Variants in MYO1C observed in about 807,000 individuals in gnomAD.
MYO1C encodes unconventional myosin-Ic.
A neutral mutation model predicts 150.8 loss-of-function variants in MYO1C; 104 were observed. The ratio of observed to expected loss-of-function variants is 0.69; its 90% CI spans 0.59 to 0.81. The LOEUF is 0.81. MYO1C is among the 30% of genes least tolerant of loss of function. The probability of loss-of-function intolerance (pLI) is 0.00; values close to 1 mark genes in which losing one functional copy is unlikely to be tolerated. For missense variants in MYO1C, 1,504 were observed against 1,435.0 expected (o/e 1.05, Z -0.78); for synonymous variants, 663 against 579.9 (o/e 1.14, Z -2.06).
At position 1,479,544 on chromosome 17, in the gene MYO1C, G is replaced by GCCCCCCCCCCCCCCCGCCCC; in HGVS notation, c.1021-43_1021-42insGGGGCGGGGGGGGGGGGGGG. The GCCCCCCCCCCCCCCCGCCCC allele has an allele frequency of 3.4e-6, 4 of 1,175,166 alleles. No homozygotes were observed. The highest frequency in any genetic ancestry group is 5.0e-6 in the Non-Finnish European group (4 of 804,192). The allele number at this position is 1,175,166 out of a possible 1,614,324, so 72.8% of individuals were successfully genotyped here. A position where few individuals can be genotyped will look rare whatever the true frequency, so the allele number is the denominator to read the frequency against. On this transcript the variant is annotated intron_variant, in intron 8 of 31. Coordinates refer to ENST00000648651, the MANE Select transcript of MYO1C (RefSeq NM_001080779.2). This position sits in a 1 kb window ranked among gnomAD's most constrained non-coding sequence, Gnocchi z 4.2. ...AGGACACGGTGAGGGTGCACCCCCA[G>GCCCCCCCCCCCCCCCGCCCC]CCCCCGCCCCCGCCGTCCTCCCGTC...
intron 19 of MYO1C, among the ~76,000 whole-genome samples, chr17:1,471,618 G>A (rs547670748): frequency 1.1e-4 from 17 of 152,320 alleles, no homozygotes; most frequent in African/African-American, 4.1e-4. Context: ...CCCCTTGGAA[G>A]CTGCCCTACA....
At position 1,482,528 on chromosome 17, in the gene MYO1C, C is replaced by T. The variant is rs139080275; in HGVS notation, c.577G>A (p.Asp193Asn). ...TACTTCCCGAACCTGCTGGAGTTAT[C>T]GTTCCGGAGGGTCTTGGCATTTCCA... Reference protein sequence around the residue: ...AFGNAKTLRNDNSSRFGKYMD... With the variant: ...AFGNAKTLRNNNSSRFGKYMD... Residue 193 changes from aspartate (D) to asparagine (N), a missense_variant, in exon 5 of 32, where the codon GAT (aspartate) becomes AAT (asparagine). Coordinates refer to ENST00000648651, the MANE Select transcript of MYO1C (RefSeq NM_001080779.2). 25 of 1,613,922 alleles carry T rather than the reference C, an allele frequency of 1.5e-5. No homozygotes were observed. Among genetic ancestry groups the T allele is most frequent in the Admixed American group, 5.0e-5 (3 of 59,992 alleles).
intron 21 of MYO1C, 142 bp from the exon 22 acceptor site, chr17:1,470,831 A>G (rs2074287927): frequency 9.8e-7 from 1 of 1,016,094 alleles, no homozygotes; most frequent in African/African-American, 1.6e-5. Flanking sequence ...AAGAAGAATG[A>G]ATGTGGGGAC....
intron 4 of MYO1C, 71 bp downstream of exon 4, chr17:1,482,762 ACACTAGCCTTCTCTCCCTGCCCTCCCCT>A: frequency 1.4e-5 from 2 of 138,454 alleles, no homozygotes; most frequent in Non-Finnish European, 2.7e-5. Context: ...CTCCCCTCCC[ACACTAGCCTTCTCTCCCTGCCCTCCCCT>A]CCCACACTGG....
rs768488425 is a variant in MYO1C, at chr17:1,478,579, C to T, written c.1212+37G>A. On this transcript the variant is annotated intron_variant, in intron 10 of 31. Coordinates refer to ENST00000648651, the MANE Select transcript of MYO1C (RefSeq NM_001080779.2). This position sits in a 1 kb window ranked among gnomAD's most constrained non-coding sequence, Gnocchi z 6.3. ...ACCCCCCGCCTCGCCGACGGCCCTC[C>T]CTTCTGCCTTGGGAGCAGTGTGGAC... 4.0e-5 allele frequency: 64 copies of T among 1,613,886 alleles called. No individual in the cohort carries two copies. The highest frequency in any genetic ancestry group is 8.3e-5 in the Admixed American group (5 of 60,008).
intron 4 of MYO1C, 89 bp from the exon 5 acceptor site, chr17:1,482,647 C>A: frequency 8.7e-7 from 1 of 1,151,436 alleles, no homozygotes; most frequent in Non-Finnish European, 1.2e-6. Context: ...CCCTCCCCTC[C>A]CGCACTGGGC....
rs1448223295 is a variant in MYO1C, at chr17:1,478,438, A to T, written c.1267T>A (p.Tyr423Asn). 1.2e-6 allele frequency: 2 copies of T among 1,614,200 alleles called. No homozygotes were observed. The highest frequency in any genetic ancestry group is 2.2e-5 in the South Asian group (2 of 91,088). ...TTATGCTGAAACACTTCAAAGCCATAAATATCCAGGAGCCCGAGAACCGTG... is the reference window on the plus strand; with the variant it reads ...TTATGCTGAAACACTTCAAAGCCATTAATATCCAGGAGCCCGAGAACCGTG... ...STTVLGLLDI[Y>N]GFEVFQHNSF... Residue 423 changes from tyrosine (Y) to asparagine (N), a missense_variant, in exon 11 of 32, where the codon TAT (tyrosine) becomes AAT (asparagine). Coordinates refer to ENST00000648651, the MANE Select transcript of MYO1C (RefSeq NM_001080779.2). This position sits in a 1 kb window ranked among gnomAD's most constrained non-coding sequence, Gnocchi z 6.3.
At chr17:1,485,726 C>G in intron 1 of MYO1C, 1 of 1,158,158 alleles carries the variant, frequency 8.6e-7, no homozygotes. Flanking sequence ...CCCGGCCGGC[C>G]TGGCGCCCGC....
At chr17:1,470,409 C>G in intron 23 of MYO1C, 26 bp downstream of exon 23, 1 of 1,549,586 alleles carries the variant, frequency 6.5e-7, no homozygotes, top group Non-Finnish European at 8.7e-7. Flanking sequence ...TGCTCTGCAG[C>G]CCCCACAAGG....
At position 1,482,477 on chromosome 17, in the gene MYO1C, C is replaced by A. The variant is rs377699091; in HGVS notation, c.627+1G>T. 1.2e-6 allele frequency: 2 copies of A among 1,613,490 alleles called. No individual in the cohort carries two copies. Among genetic ancestry groups the A allele is most frequent in the African/African-American group, 2.7e-5 (2 of 74,888 alleles). On this transcript the variant is annotated splice_donor_variant, in intron 5 of 31. Transcript: ENST00000648651. LOFTEE classifies it high-confidence loss of function. Reference sequence around the variant, plus strand: ...CCTCACGACACACACATCCATGGTACCTTGAAGTCAAACTGCACATCCATG... The same window carrying A: ...CCTCACGACACACACATCCATGGTAACTTGAAGTCAAACTGCACATCCATG...
chr17:1,478,741 G>T lies in MYO1C; in HGVS notation c.1093-6C>A. 6.2e-7 allele frequency: 1 copy of T among 1,613,738 alleles called. No homozygotes were observed. The highest frequency in any genetic ancestry group is 1.1e-5 in the South Asian group (1 of 91,056). On this transcript the variant is annotated splice_polypyrimidine_tract_variant and splice_region_variant and intron_variant, in intron 9 of 31. Coordinates refer to ENST00000648651, the MANE Select transcript of MYO1C (RefSeq NM_001080779.2). This position sits in a 1 kb window ranked among gnomAD's most constrained non-coding sequence, Gnocchi z 6.3. ...AGGTTCAGCGGGCTCAGGAGCTGTGGACGCAGCGTGAGACAAGGAGATGAA... is the reference window on the plus strand; with the variant it reads ...AGGTTCAGCGGGCTCAGGAGCTGTGTACGCAGCGTGAGACAAGGAGATGAA...
intron 14 of MYO1C, among the ~76,000 whole-genome samples, chr17:1,476,364 G>C (rs2150948339): frequency 6.6e-6 from 1 of 152,202 alleles, no homozygotes; most frequent in South Asian, 2.1e-4. Context: ...ATAGAGATAG[G>C]GTTTCACCAT....
chr17:1,487,532 G>C (rs1168029535), intron 1 of MYO1C, among the ~76,000 whole-genome samples: 1 of 151,900 alleles, frequency 6.6e-6, no homozygotes, highest in African/African-American at 2.4e-5. Flanking sequence ...GCTGGTGGGG[G>C]AGTGGGAGCG....
chr17:1,481,055 CT>C (rs1409301826), intron 5 of MYO1C, 170 bp from the exon 6 acceptor site: 1 of 651,476 alleles, frequency 1.5e-6, no homozygotes, highest in East Asian at 2.7e-5. Flanking sequence ...GACTCAGTTA[CT>C]TCATCTAGGA....
chr17:1,487,041 C>A (rs1259513218), intron 1 of MYO1C: 3 of 152,432 alleles, frequency 2.0e-5, no homozygotes, highest in African/African-American at 7.2e-5. Flanking sequence ...GGACTCTGAG[C>A]AAGTCACTTA....
At chr17:1,466,497 A>G (rs896414187) in intron 31 of MYO1C, among the ~76,000 whole-genome samples, 1 of 151,928 alleles carries the variant, frequency 6.6e-6, no homozygotes, top group East Asian at 1.9e-4. Context: ...CACTCGGCTA[A>G]TTTTGTATTT....
chr17:1,484,879 CAGACCCA>C, intron 1 of MYO1C: 1 of 353,506 alleles, frequency 2.8e-6, no homozygotes, highest in Non-Finnish European at 5.4e-6. Flanking sequence ...CTCTCCCACC[CAGACCCA>C]CCCCCACCTC....
At chr17:1,473,276 G>T (rs2074340758) in intron 17 of MYO1C, among the ~76,000 whole-genome samples, 1 of 152,126 alleles carries the variant, frequency 6.6e-6, no homozygotes. Flanking sequence ...GAAGGAGAAA[G>T]CCTGGAGGGG....
intron 17 of MYO1C, among the ~76,000 whole-genome samples, chr17:1,472,927 G>A (rs911749204): frequency 2.6e-4 from 40 of 152,264 alleles, no homozygotes; most frequent in African/African-American, 9.6e-4. Flanking sequence ...GGAGCCGGGC[G>A]CGGTGGCTCA....
Sources: gnomAD v4.1 joint callset for allele counts (sites outside exome capture counted in the v4.1 genomes callset) on GRCh38, gnomAD v4.1.1 for gene constraint, Gnocchi (gnomAD v3.1) non-coding constraint, MANE v1.5 for transcripts, NCBI Gene and HGNC (gene_info 2026-07-23, HGNC 2026-07-21) for gene names.